Variants in XYLT1 observed in about 807,000 individuals in gnomAD.
XYLT1 encodes xylosyltransferase 1, also known as beta-D-xylosyltransferase 1.
Under a neutral mutation model 91.3 loss-of-function variants are expected in XYLT1, and 36 were observed. The ratio of observed to expected loss-of-function variants is 0.39; its 90% confidence interval spans 0.30 to 0.52. The LOEUF is 0.52. Ranked by LOEUF, XYLT1 falls within the 20% of genes least tolerant of loss-of-function variation. The probability of loss-of-function intolerance (pLI) is 0.68; values close to 1 mark genes in which losing one functional copy is unlikely to be tolerated. For synonymous variants in XYLT1, 588 were observed against 532.0 expected (o/e 1.11, Z -1.45); for missense variants, 1,242 against 1,284.5 (o/e 0.97, Z 0.51).
chr16:17,292,081 TAC>T (rs10568382), intron 2 of XYLT1, among the ~76,000 whole-genome samples: 53,895 of 148,788 alleles, frequency 0.36, 10,139 homozygotes, highest in African/African-American at 0.49. Flanking sequence ...CACTAAACCA[TAC>T]ACACACACAC....
At chr16:17,332,567 TAC>T (rs60919228) in intron 2 of XYLT1, among the ~76,000 whole-genome samples, 41,468 of 136,848 alleles carry the variant, frequency 0.3, 6,477 homozygotes, top group East Asian at 0.49. Context: ...ATCACACACA[TAC>T]ACACACACAC....
rs2141589464 is a variant in XYLT1, at chr16:17,200,545, C to A, written c.1023G>T (p.Gln341His). 1 of 1,614,228 alleles carries A rather than the reference C, an allele frequency of 6.2e-7. No individual in the cohort carries two copies. The highest frequency in any genetic ancestry group is 1.3e-5 in the African/African-American group (1 of 75,058). ...VLVVHGRASR[Q>H]LQRMFKAIYH... is the part of the protein sequence containing the mutation. Reference sequence around the variant, plus strand: ...AGATGGCCTTGAACATGCGCTGCAACTGCCGAGAGGCACGGCCGTGGACCA... The same window carrying A: ...AGATGGCCTTGAACATGCGCTGCAAATGCCGAGAGGCACGGCCGTGGACCA... The change falls in exon 4 of 12, where the codon CAG becomes CAT. Residue 341 changes from glutamine (Q) to histidine (H), a missense_variant. Gln to His is a conservative substitution (Grantham distance 24). Coordinates refer to ENST00000261381, the MANE Select transcript of XYLT1 (RefSeq NM_022166.4).
rs917180434 is a variant in XYLT1, at chr16:17,157,050, C to CA, written c.1370+1778_1370+1779insT. On this transcript the variant is annotated intron_variant, in intron 6 of 11. Coordinates refer to ENST00000261381, the MANE Select transcript of XYLT1 (RefSeq NM_022166.4). ...GCAACCTCCGACTCCCAGGATCAAG[C>CA]GATTCTCCTGCCTCAGCCTCCCAAG... 9.2e-5 allele frequency among the ~76,000 whole-genome samples: 14 copies of CA among 151,914 alleles called. No homozygotes were observed. In the East Asian group the frequency reaches 1.9e-3, roughly 21 times the overall value.
rs2031345396 is a variant in XYLT1 at position 17,153,993 on chromosome 16, C to G, written c.1370+4836G>C. Among the ~76,000 whole-genome samples, 5 of 152,210 alleles carry G rather than the reference C, an allele frequency of 3.3e-5. No individual in the cohort carries two copies. The South Asian group carries it at 1.0e-3, about 32-fold the overall frequency. On this transcript the variant is annotated intron_variant, in intron 6 of 11. Transcript: ENST00000261381. ...GGTTCCATCTCAGCTCTGTCGTTCACTAGCTGTAGGGCCTTGAGTAAGGTA... is the reference window on the plus strand; with the variant it reads ...GGTTCCATCTCAGCTCTGTCGTTCAGTAGCTGTAGGGCCTTGAGTAAGGTA...
Position 17,117,793 on chromosome 16 carries a change from C to T in XYLT1, c.2410G>A (p.Glu804Lys), listed in dbSNP as rs775881502. Residue 804 changes from glutamate (E) to lysine (K), a missense_variant, in exon 11 of 12, where the codon GAA (glutamate) becomes AAA (lysine). Physicochemically the swap from Glu to Lys is moderately conservative, Grantham distance 56. Transcript: ENST00000261381. ...AAAGGGGGCTTGTAGTGTGTGAATT[C>T]GGCAGTGGACTCAATGAGGATGTCG... The part of the protein sequence containing the change: ...TYDILIESTA[E>K]FTHYKPPLNL... 16 of 1,614,004 alleles carry T rather than the reference C, an allele frequency of 9.9e-6. No individual in the cohort carries two copies. The highest frequency in any genetic ancestry group is 1.3e-5 in the Non-Finnish European group (15 of 1,180,032).
intron 2 of XYLT1, among the ~76,000 whole-genome samples, chr16:17,310,111 C>G (rs1025597294): frequency 5.9e-5 from 9 of 152,172 alleles, no homozygotes; most frequent in African/African-American, 2.2e-4. Flanking sequence ...GAACACCTTC[C>G]TTTTCCTCCC....
At chr16:17,116,668 G>A (rs1483203488) in intron 11 of XYLT1, among the ~76,000 whole-genome samples, 1 of 152,118 alleles carries the variant, frequency 6.6e-6, no homozygotes, top group African/African-American at 2.4e-5. Context: ...TATACCTTGG[G>A]GTCAGACGTC....
intron 8 of XYLT1, 99 bp downstream of exon 8, chr16:17,138,245 GGTTTGGGCACC>G: frequency 7.6e-7 from 1 of 1,315,260 alleles, no homozygotes; most frequent in South Asian, 1.4e-5. Flanking sequence ...TCAACAGCCA[GGTTTGGGCACC>G]ATGTGATAAG....
intron 1 of XYLT1, among the ~76,000 whole-genome samples, chr16:17,428,652 T>A (rs1351312610): frequency 1.3e-5 from 2 of 152,222 alleles, no homozygotes; most frequent in Non-Finnish European, 2.9e-5. Flanking sequence ...TTGAGACATC[T>A]GTAGCCGCAG....
In XYLT1 at chr16:17,247,650, G is replaced by A. The variant is rs143895358; in HGVS notation, c.913+11338C>T. Among the ~76,000 whole-genome samples the A allele has an allele frequency of 1.6e-4, 24 of 152,318 alleles. No individual in the cohort carries two copies. In the East Asian group the frequency reaches 4.6e-3, roughly 29 times the overall value. Reference sequence around the variant, plus strand: ...CAGAGAACACAAGTGCCTTGTTCAAGGCTTTCGCAGCCGATAAAGTGGCAG... The same window carrying A: ...CAGAGAACACAAGTGCCTTGTTCAAAGCTTTCGCAGCCGATAAAGTGGCAG... On this transcript the variant is annotated intron_variant, in intron 3 of 11. Transcript: ENST00000261381.
intron 1 of XYLT1, among the ~76,000 whole-genome samples, chr16:17,385,269 TACACACACACACAC>T (rs566134163): frequency 4.2e-4 from 51 of 120,012 alleles, no homozygotes; most frequent in East Asian, 8.2e-4. Context: ...TAAACACACA[TACACACACACACAC>T]ACACACACAC....
At chr16:17,136,853 G>A (rs1404263558) in intron 8 of XYLT1, among the ~76,000 whole-genome samples, 6 of 152,050 alleles carry the variant, frequency 3.9e-5, no homozygotes, top group Non-Finnish European at 5.9e-5. Flanking sequence ...CCAGGATGCC[G>A]GGCTAGGATA....
chr16:17,423,360 T>C (rs567938797), intron 1 of XYLT1, among the ~76,000 whole-genome samples: 1 of 152,268 alleles, frequency 6.6e-6, no homozygotes, highest in South Asian at 2.1e-4. Flanking sequence ...CTGAGTCTCC[T>C]CCCTGTGGCC....
intron 11 of XYLT1, among the ~76,000 whole-genome samples, chr16:17,111,331 C>G (rs554559608): frequency 2.6e-5 from 4 of 152,154 alleles, no homozygotes; most frequent in Non-Finnish European, 5.9e-5. Context: ...CTAATAGATG[C>G]TATTTCTAAT....
At chr16:17,333,816 G>A (rs1307306889) in intron 2 of XYLT1, among the ~76,000 whole-genome samples, 1 of 152,008 alleles carries the variant, frequency 6.6e-6, no homozygotes, top group Non-Finnish European at 1.5e-5. Flanking sequence ...TCGAACTCCT[G>A]ACTTCAAGTG....
chr16:17,193,703 T>C (rs1237770858), intron 5 of XYLT1: 1 of 152,248 alleles, frequency 6.6e-6, no homozygotes, highest in African/African-American at 2.4e-5. Flanking sequence ...TGCTCATTCT[T>C]TCTGGGATGG....
At chr16:17,111,247 A>G (rs988261260) in intron 11 of XYLT1, among the ~76,000 whole-genome samples, 1 of 152,220 alleles carries the variant, frequency 6.6e-6, no homozygotes, top group Non-Finnish European at 1.5e-5. Context: ...ACTACCTCCC[A>G]GGGCTGCACG....
chr16:17,303,178 T>C (rs1172984263), intron 2 of XYLT1, among the ~76,000 whole-genome samples: 1 of 152,188 alleles, frequency 6.6e-6, no homozygotes, highest in Non-Finnish European at 1.5e-5. Context: ...AATAATGACG[T>C]GGTTCCTGCC....
intron 4 of XYLT1, among the ~76,000 whole-genome samples, chr16:17,199,993 C>T (rs551607082): frequency 1.8e-4 from 27 of 152,062 alleles, no homozygotes; most frequent in African/African-American, 3.6e-4. Context: ...GAGGCTGAGG[C>T]GGGCAGATCA....
Sources: allele counts gnomAD v4.1 joint callset (sites outside exome capture counted in the v4.1 genomes callset), GRCh38; gene constraint gnomAD v4.1.1; transcripts MANE v1.5; gene names NCBI Gene and HGNC (gene_info 2026-07-23, HGNC 2026-07-21).